The following GLO1 variants were observed in gnomAD, a reference collection of about 807,000 sequenced individuals.
GLO1 encodes the protein glyoxalase I, also known as lactoylglutathione lyase.
GLO1 carries 28 observed loss-of-function variants against 26.0 expected under a neutral mutation model. That is an observed-to-expected ratio of 1.08 (90% CI 0.80 to 1.48). The LOEUF (loss-of-function observed/expected upper bound fraction) is 1.48, where lower values mean the gene tolerates loss of function less well. GLO1 is among the 40% of genes most tolerant of loss of function. The probability of loss-of-function intolerance (pLI) is 0.00; values close to 1 mark genes in which losing one functional copy is unlikely to be tolerated. For missense variants in GLO1, 225 were observed against 224.8 expected, an observed-to-expected ratio of 1.00 and a Z score of -0.01; for synonymous variants, 78 against 77.6, an observed-to-expected ratio of 1.00 and a Z score of -0.03.
At position 38,678,409 on chromosome 6, in the gene GLO1, G is replaced by GGAAAAGAAAAGAAAAGAAAA. The variant is rs67239641; in HGVS notation, c.467-1046_467-1027dup. 3.1e-3 allele frequency among the ~76,000 whole-genome samples: 443 copies of GGAAAAGAAAAGAAAAGAAAA among 142,180 alleles called. 3 individuals are homozygous for GGAAAAGAAAAGAAAAGAAAA. Among genetic ancestry groups the GGAAAAGAAAAGAAAAGAAAA allele is most frequent in the African/African-American group, 0.011 (416 of 36,822 alleles). The allele number at this position is 142,180 out of a possible 152,430, so 93.3% of individuals were successfully genotyped here. A position where few individuals can be genotyped will look rare whatever the true frequency, so the allele number is the denominator to read the frequency against. On this transcript the variant is annotated intron_variant, in intron 5 of 5. Coordinates refer to ENST00000373365, the MANE Select transcript of GLO1 (RefSeq NM_006708.3). ...AAGGAAGGAAGGAAGGAAAAGAAAA[G>GGAAAAGAAAAGAAAAGAAAA]GAAAAGAAAAGAAAAGAAAAGAAAA... is the stretch of plus-strand genomic sequence containing the variant.
rs144563705 is a variant in GLO1 at position 38,698,838 on chromosome 6, T to C, written c.84+4133A>G. Among the ~76,000 whole-genome samples, 688 of 152,302 alleles carry C rather than the reference T, an allele frequency of 4.5e-3. 8 individuals carry two copies. The highest frequency in any genetic ancestry group is 0.016 in the African/African-American group (664 of 41,564). On this transcript the variant is annotated intron_variant, in intron 1 of 5. Coordinates refer to ENST00000373365, the MANE Select transcript of GLO1 (RefSeq NM_006708.3). Reference sequence around the variant, plus strand: ...CAAGTCGACTTTGTGCCATTGCTGCTGTCTTCTTTACAAACGAGACCCTCA... The same window carrying C: ...CAAGTCGACTTTGTGCCATTGCTGCCGTCTTCTTTACAAACGAGACCCTCA...
At chr6:38,678,334 A>AAG (rs1454984401) in intron 5 of GLO1, among the ~76,000 whole-genome samples, 1 of 150,466 alleles carries the variant, frequency 6.6e-6, no homozygotes, top group African/African-American at 2.5e-5. Context: ...GAGAAAGAGA[A>AAG]AGAGAAAGAG....
chr6:38,701,407 C>T (rs557780830), intron 1 of GLO1, among the ~76,000 whole-genome samples: 11 of 151,738 alleles, frequency 7.2e-5, no homozygotes, highest in South Asian at 2.1e-4. Flanking sequence ...TTAATTACTC[C>T]GAATCATCAA....
chr6:38,686,061 C>T (rs540482721), intron 2 of GLO1, among the ~76,000 whole-genome samples: 57 of 152,222 alleles, frequency 3.7e-4, no homozygotes, highest in African/African-American at 1.3e-3. Context: ...TCATTTTGTC[C>T]TTTAAATATG....
At chr6:38,690,457 A>C (rs1437681149) in intron 1 of GLO1, among the ~76,000 whole-genome samples, 1 of 152,220 alleles carries the variant, frequency 6.6e-6, no homozygotes. Context: ...GAGGTATATT[A>C]AATGGCATGG....
intron 1 of GLO1, among the ~76,000 whole-genome samples, chr6:38,689,807 A>AGTG (rs1246460458): frequency 6.6e-6 from 1 of 152,044 alleles, no homozygotes; most frequent in Non-Finnish European, 1.5e-5. Flanking sequence ...ATCAGCCAGT[A>AGTG]GTGGTGGTGC....
chr6:38,683,303 ACTCTGAAATCAAT>A (rs1230014656), intron 3 of GLO1: 1 of 156,278 alleles, frequency 6.4e-6, no homozygotes, highest in Non-Finnish European at 1.4e-5. Context: ...GAAATCACAC[ACTCTGAAATCAAT>A]CTCTTTTAAA....
At chr6:38,692,917 GTTGAAT>G (rs1761552480) in intron 1 of GLO1, among the ~76,000 whole-genome samples, 1 of 150,174 alleles carries the variant, frequency 6.7e-6, no homozygotes, top group Non-Finnish European at 1.5e-5. Flanking sequence ...TATATATACT[GTTGAAT>G]TCTGTTTACT....
intron 1 of GLO1, among the ~76,000 whole-genome samples, chr6:38,695,688 C>T (rs558784484): frequency 6.6e-6 from 1 of 152,200 alleles, no homozygotes; most frequent in African/African-American, 2.4e-5. Flanking sequence ...AATCTAGGCT[C>T]CCCACTCAGC....
rs182114911 is a variant in GLO1, at chr6:38,684,406, C to G, written c.276G>C (p.Ala92=). Residue 92 remains alanine (A), a synonymous_variant, in exon 3 of 6, where the codon GCG becomes GCC. Coordinates refer to ENST00000373365, the MANE Select transcript of GLO1 (RefSeq NM_006708.3). Reference sequence around the variant, plus strand: ...GCTCAAGTGTAGCTTTTCTGGAGAGCGCCCAGGCTATTTTTTCATCTTTTT... The same window carrying G: ...GCTCAAGTGTAGCTTTTCTGGAGAGGGCCCAGGCTATTTTTTCATCTTTTT... ...PKEKDEKIAW[A]LSRKATLELT... 3.8e-6 allele frequency: 6 copies of G among 1,558,748 alleles called. No individual in the cohort carries two copies. In the Admixed American group the frequency reaches 9.1e-5, roughly 24 times the overall value.
intron 4 of GLO1, 45 bp from the exon 5 acceptor site, chr6:38,682,146 A>C: frequency 9.7e-7 from 1 of 1,032,428 alleles, no homozygotes; most frequent in South Asian, 1.3e-5. Flanking sequence ...GGAAGAAATA[A>C]TTATAACAGG....
intron 1 of GLO1, among the ~76,000 whole-genome samples, chr6:38,692,430 G>T (rs1212155332): frequency 6.6e-6 from 1 of 152,136 alleles, no homozygotes; most frequent in Admixed American, 6.5e-5. Context: ...AATTCTGGGA[G>T]TTTTCTGTAA....
chr6:38,677,320 G>T lies in GLO1; in HGVS notation c.530C>A (p.Pro177His). The T allele has an allele frequency of 6.5e-7, 1 of 1,534,400 alleles. No homozygotes were observed. Among genetic ancestry groups the T allele is most frequent in the Non-Finnish European group, 9.0e-7 (1 of 1,107,378 alleles). ...PDGYWIEILN[P>H]NKMATLM is the part of the protein sequence containing the mutation. ...CTACATTAAGGTTGCCATTTTGTTAGGATTCAAAATTTCAATCCAGTAGCC... is the reference window on the plus strand; with the variant it reads ...CTACATTAAGGTTGCCATTTTGTTATGATTCAAAATTTCAATCCAGTAGCC... Residue 177 changes from proline (P) to histidine (H), a missense_variant, in exon 6 of 6, where the codon CCT becomes CAT. By Grantham distance (77) the Pro-to-His change is moderately conservative. Coordinates refer to ENST00000373365, the MANE Select transcript of GLO1 (RefSeq NM_006708.3).
chr6:38,694,333 T>C (rs1293666108), intron 1 of GLO1, among the ~76,000 whole-genome samples: 1 of 152,206 alleles, frequency 6.6e-6, no homozygotes, highest in Admixed American at 6.5e-5. Context: ...ATGGTATTGC[T>C]GAGTTCTTCT....
chr6:38,689,019 G>A (rs1761496730), intron 1 of GLO1, among the ~76,000 whole-genome samples: 1 of 152,210 alleles, frequency 6.6e-6, no homozygotes, highest in African/African-American at 2.4e-5. Flanking sequence ...CAACCTGCAG[G>A]TGCTGGCTCT....
chr6:38,693,418 T>A (rs910842612), intron 1 of GLO1, among the ~76,000 whole-genome samples: 1 of 152,162 alleles, frequency 6.6e-6, no homozygotes, highest in Admixed American at 6.5e-5. Flanking sequence ...ATTCTACTGG[T>A]CTTTTCAAAG....
chr6:38,693,705 A>ATTTGT (rs1358762584), intron 1 of GLO1, among the ~76,000 whole-genome samples: 2 of 134,312 alleles, frequency 1.5e-5, no homozygotes, highest in South Asian at 2.4e-4. Context: ...ATATATATAT[A>ATTTGT]TTTGTTTTGT....
At chr6:38,701,921 T>C (rs950596403) in intron 1 of GLO1, among the ~76,000 whole-genome samples, 2 of 150,922 alleles carry the variant, frequency 1.3e-5, no homozygotes, top group African/African-American at 4.9e-5. Context: ...GCGGTTACTG[T>C]GCCTGAATTT....
At chr6:38,689,677 T>G (rs1166787718) in intron 1 of GLO1, among the ~76,000 whole-genome samples, 2 of 152,110 alleles carry the variant, frequency 1.3e-5, no homozygotes, top group African/African-American at 2.4e-5. Flanking sequence ...CCAGGTGCAG[T>G]GGCTCACGCC....
Sources: allele counts gnomAD v4.1 joint callset (sites outside exome capture counted in the v4.1 genomes callset), GRCh38; gene constraint gnomAD v4.1.1; transcripts MANE v1.5; gene names NCBI Gene and HGNC (gene_info 2026-07-23, HGNC 2026-07-21).